The following GPR89B variants were observed in gnomAD, a reference collection of about 807,000 sequenced individuals.
The protein encoded by GPR89B is golgi pH regulator B.
GPR89B carries 25 observed loss-of-function variants against 52.4 expected under a neutral mutation model. That is an observed-to-expected ratio of 0.48 (90% CI 0.35 to 0.67). The LOEUF (loss-of-function observed/expected upper bound fraction) is 0.67, where lower values mean the gene tolerates loss of function less well. Among genes scored for constraint, GPR89B ranks in the 30% least tolerant of loss-of-function variants. The pLI is 0.01. For synonymous variants in GPR89B, 52 were observed against 151.2 expected (o/e 0.34, Z 4.81); for missense variants, 146 against 450.2 (o/e 0.32, Z 6.11).
the GPR89B span, among the ~76,000 whole-genome samples, chr1:148,021,281 G>A: frequency 2.0e-5 from 3 of 151,412 alleles, no homozygotes; most frequent in African/African-American, 4.9e-5. Flanking sequence ...GGCGGGCGGA[G>A]CACGAGGTCA....
At chr1:148,006,059 C>T in the GPR89B span, among the ~76,000 whole-genome samples, 1 of 152,196 alleles carries the variant, frequency 6.6e-6, no homozygotes, top group Non-Finnish European at 1.5e-5. Flanking sequence ...CTAACTCGGC[C>T]TTTGGCTTCT....
the GPR89B span, among the ~76,000 whole-genome samples, chr1:148,012,501 TC>T: frequency 4.6e-5 from 5 of 108,478 alleles, no homozygotes; most frequent in East Asian, 2.7e-4. Flanking sequence ...CCCGCCCCAC[TC>T]CCCCACCCCC....
chr1:147,934,743 C>G (rs1477266020), intron 1 of GPR89B, among the ~76,000 whole-genome samples: 1 of 151,834 alleles, frequency 6.6e-6, no homozygotes, highest in Non-Finnish European at 1.5e-5. Flanking sequence ...CATTGCACAT[C>G]CATATTATGT....
At position 147,969,897 on chromosome 1, in the gene GPR89B, G is replaced by A; in HGVS notation, c.847G>A (p.Gly283Arg). The change falls in exon 10 of 14, where the codon GGG becomes AGG. Residue 283 changes from glycine to arginine, a missense_variant. Physicochemically the swap from Gly to Arg is moderately radical, Grantham distance 125. Coordinates refer to ENST00000314163, the MANE Select transcript of GPR89B (RefSeq NM_016334.5). ...ERIEYSKTFK[G>R]KYFNFLGYFF... The stretch of plus-strand genomic sequence containing the variant: ...AATAGAATACTCCAAAACCTTCAAG[G>A]GGAAATATTTTAATTTTCTTGGTTA... 6.7e-7 allele frequency: 1 copy of A among 1,495,410 alleles called. No homozygotes were observed. Among genetic ancestry groups the A allele is most frequent in the South Asian group, 1.3e-5 (1 of 77,046 alleles). 92.6% of individuals were successfully genotyped at this position (1,495,410 alleles called of 1,614,324 possible). A position where few individuals can be genotyped will look rare whatever the true frequency, so the allele number is the denominator to read the frequency against.
Position 147,983,496 on chromosome 1 carries a change from C to A in GPR89B, c.910-2703C>A, listed in dbSNP as rs1174055371. Among the ~76,000 whole-genome samples the A allele has an allele frequency of 5.4e-3, 819 of 152,114 alleles. 8 individuals carry two copies. The highest frequency in any genetic ancestry group is 0.019 in the African/African-American group (776 of 41,486). On this transcript the variant is annotated intron_variant, in intron 10 of 13. Coordinates refer to ENST00000314163, the MANE Select transcript of GPR89B (RefSeq NM_016334.5). ...AATTTACAAGAAAAAAACAAACAACCCCATCAAAAAGTTGGCGAAGGACAT... is the reference window on the plus strand; with the variant it reads ...AATTTACAAGAAAAAAACAAACAACACCATCAAAAAGTTGGCGAAGGACAT...
chr1:147,940,138 T>G lies in GPR89B; in HGVS notation c.206+1321T>G, dbSNP rs1478873828. ...CCAAACCTTGGCCGGGCGCGGTGGC[T>G]CACGCCTGTAATCCCAGCACTTTGG... On this transcript the variant is annotated intron_variant, in intron 3 of 13. Transcript: ENST00000314163. Among the ~76,000 whole-genome samples the G allele has an allele frequency of 3.9e-5, 6 of 152,104 alleles. No homozygotes were observed. The East Asian group carries it at 5.8e-4, about 15-fold the overall frequency.
At chr1:147,950,227 G>GGGCAGAGACGCTCCTC (rs1213372928) in intron 5 of GPR89B, among the ~76,000 whole-genome samples, 269 of 151,394 alleles carry the variant, frequency 1.8e-3, no homozygotes, top group Non-Finnish European at 3.2e-3. Context: ...CGGGGCGGCT[G>GGGCAGAGACGCTCCTC]GGCAGAGACG....
intron 5 of GPR89B, among the ~76,000 whole-genome samples, chr1:147,948,716 C>T (rs1480255926): frequency 6.7e-6 from 1 of 148,422 alleles, no homozygotes; most frequent in African/African-American, 2.5e-5. Flanking sequence ...AAAGGGAAAA[C>T]ATAGGGAAAT....
At chr1:147,994,408 G>T, downstream of GPR89B, 3 of 1,079,300 alleles carry the variant, frequency 2.8e-6, no homozygotes, top group Non-Finnish European at 4.1e-6. Flanking sequence ...AAAGAGGGAT[G>T]ATCTATTCTA....
intron 10 of GPR89B, among the ~76,000 whole-genome samples, chr1:147,970,311 C>A (rs2149077589): frequency 6.6e-6 from 1 of 152,112 alleles, no homozygotes; most frequent in East Asian, 1.9e-4. Context: ...GCCTGGCCAA[C>A]ATGGTGAAAC....
Position 147,962,595 on chromosome 1 carries a change from C to A in GPR89B, c.618-3959C>A, listed in dbSNP as rs1237025076. On this transcript the variant is annotated intron_variant, in intron 7 of 13. Coordinates refer to ENST00000314163, the MANE Select transcript of GPR89B (RefSeq NM_016334.5). The stretch of plus-strand genomic sequence containing the variant: ...AATGAATCTAAATCTAAGTCTTACA[C>A]CTTATATAAAATTAAAACACGCCAG... 3.1e-3 allele frequency among the ~76,000 whole-genome samples: 465 copies of A among 151,652 alleles called. 7 individuals carry two copies. Among genetic ancestry groups the A allele is most frequent in the African/African-American group, 0.011 (450 of 41,224 alleles).
At chr1:148,007,963 T>G in the GPR89B span, among the ~76,000 whole-genome samples, 1 of 152,034 alleles carries the variant, frequency 6.6e-6, no homozygotes, top group East Asian at 1.9e-4. Flanking sequence ...CAGCACAAGA[T>G]TTCATTACAC....
chr1:147,969,297 A>G, intron 9 of GPR89B: 1 of 330,592 alleles, frequency 3.0e-6, no homozygotes, highest in South Asian at 4.2e-5. Flanking sequence ...GTAATATTAT[A>G]AGAGCAGTAG....
intron 7 of GPR89B, among the ~76,000 whole-genome samples, chr1:147,962,377 T>TTGCTCCGCTGCCCTCC (rs1553252336): frequency 2.0e-5 from 3 of 150,760 alleles, no homozygotes; most frequent in Admixed American, 2.0e-4. Flanking sequence ...TGAGCTGAGA[T>TTGCTCCGCTGCCCTCC]TGCTCCGCTG....
At chr1:147,930,343 C>T (rs1553246836) in intron 1 of GPR89B, among the ~76,000 whole-genome samples, 2 of 152,188 alleles carry the variant, frequency 1.3e-5, no homozygotes, top group African/African-American at 4.8e-5. Flanking sequence ...CTGCCCACAA[C>T]CAAAGTAGCT....
intron 10 of GPR89B, among the ~76,000 whole-genome samples, chr1:147,982,771 A>G (rs1571312179): frequency 6.7e-6 from 1 of 149,136 alleles, no homozygotes; most frequent in Non-Finnish European, 1.5e-5. Flanking sequence ...GATTCTTCCT[A>G]CCATGAGCAT....
At chr1:148,009,604 G>A in the GPR89B span, 38 of 1,357,700 alleles carry the variant, frequency 2.8e-5, no homozygotes, top group African/African-American at 4.8e-4. Flanking sequence ...TAGGAGGGAA[G>A]AAGAAAAAGG....
At chr1:148,008,192 C>A in the GPR89B span, among the ~76,000 whole-genome samples, 2 of 152,232 alleles carry the variant, frequency 1.3e-5, no homozygotes, top group South Asian at 2.1e-4. Flanking sequence ...TCCTTAAACA[C>A]TCAGCATTTC....
intron 10 of GPR89B, among the ~76,000 whole-genome samples, chr1:147,983,942 G>A (rs1658463471): frequency 6.6e-6 from 1 of 151,966 alleles, no homozygotes; most frequent in Admixed American, 6.6e-5. Context: ...GTCCAACAAT[G>A]ATAGACTGGA....
Sources: allele counts gnomAD v4.1 joint callset (sites outside exome capture counted in the v4.1 genomes callset), GRCh38; gene constraint gnomAD v4.1.1; transcripts MANE v1.5; gene names NCBI Gene and HGNC (gene_info 2026-07-23, HGNC 2026-07-21).